USP24: variants seen among roughly 807,000 people sequenced by gnomAD.
USP24 encodes the protein ubiquitin carboxyl-terminal hydrolase 24.
USP24 carries 97 observed loss-of-function variants against 361.6 expected under a neutral mutation model. That is an observed-to-expected ratio of 0.27 (90% CI 0.23 to 0.32). USP24 has a LOEUF of 0.32. Among genes scored for constraint, USP24 ranks in the 10% least tolerant of loss-of-function variants. The pLI is 1.00. For missense variants in USP24, 2,353 were observed against 3,165.6 expected (o/e 0.74, Z 6.16); for synonymous variants, 1,098 against 1,124.6 (o/e 0.98, Z 0.47).
chr1:55,110,312 G>T, intron 38 of USP24, 66 bp from the exon 39 acceptor site: 2 of 1,327,738 alleles, frequency 1.5e-6, no homozygotes, highest in Non-Finnish European at 2.0e-6. Flanking sequence ...CATTTTCCTT[G>T]TAAGAACAAA....
Position 55,077,238 on chromosome 1 carries a change from T to G in USP24, c.7377A>C (p.Ile2459=). Residue 2459 remains isoleucine, a synonymous_variant, in exon 62 of 68, where the codon ATA becomes ATC. Transcript: ENST00000294383. ...LKNTFQLLHE[I]LVIEDPIQVE... Reference sequence around the variant, plus strand: ...AGTCAGAACAGTTATGACTTACCAATATTTCATGAAGTAGTTGGAACGTAT... The same window carrying G: ...AGTCAGAACAGTTATGACTTACCAAGATTTCATGAAGTAGTTGGAACGTAT... 2 of 1,548,702 alleles carry G rather than the reference T, an allele frequency of 1.3e-6. No individual in the cohort carries two copies. Among genetic ancestry groups the G allele is most frequent in the Non-Finnish European group, 1.8e-6 (2 of 1,140,038 alleles).
chr1:55,157,691 G>A (rs892723404), intron 10 of USP24, among the ~76,000 whole-genome samples: 4 of 151,930 alleles, frequency 2.6e-5, no homozygotes, highest in Non-Finnish European at 4.4e-5. Flanking sequence ...AAGATTAGCT[G>A]GGCGTAGTCG....
At chr1:55,155,881 C>T (rs1232391319) in intron 12 of USP24, among the ~76,000 whole-genome samples, 3 of 152,154 alleles carry the variant, frequency 2.0e-5, no homozygotes, top group Non-Finnish European at 4.4e-5. Context: ...AGTAAAAGCA[C>T]CTCCAAGAGC....
chr1:55,133,356 T>A (rs1160916285), intron 30 of USP24, among the ~76,000 whole-genome samples: 1 of 152,198 alleles, frequency 6.6e-6, no homozygotes, highest in African/African-American at 2.4e-5. Flanking sequence ...AATCCATTTA[T>A]ATTAGCAACT....
rs1468231547 is a variant in USP24 at position 55,086,380 on chromosome 1, A to C, written c.6669-342T>G. 19 of 282,254 alleles carry C rather than the reference A, an allele frequency of 6.7e-5. No individual in the cohort carries two copies. The South Asian group carries it at 9.6e-4, about 14-fold the overall frequency. 17.5% of individuals were successfully genotyped at this position (282,254 alleles called of 1,614,324 possible). On this transcript the variant is annotated intron_variant, in intron 55 of 67. Coordinates refer to ENST00000294383, the MANE Select transcript of USP24 (RefSeq NM_015306.3). ...CTTGAAGGGAATACCTAGAGGATGC[A>C]AACAGATCCAGAATATGGGGAGCTC... is the stretch of plus-strand genomic sequence containing the variant.
intron 38 of USP24, among the ~76,000 whole-genome samples, chr1:55,118,840 C>T (rs924518484): frequency 2.0e-5 from 3 of 152,190 alleles, no homozygotes; most frequent in Non-Finnish European, 4.4e-5. Flanking sequence ...CAAACTGAAA[C>T]CACAGATGCC....
Position 55,125,346 on chromosome 1 carries a change from T to C in USP24, c.3934A>G (p.Ile1312Val), listed in dbSNP as rs751517054. Residue 1312 changes from isoleucine (I) to valine (V), a missense_variant, in exon 34 of 68, where the codon ATC becomes GTC. Ile to Val is a conservative substitution (Grantham distance 29, BLOSUM62 3). Around this residue, in one of 8 missense-constraint regions of USP24, gnomAD observed 949 missense variants for 1,280.5 expected, o/e 0.74. Transcript: ENST00000294383. ...TGTATTGCAACTCGAGCAGCAGGGA[T>C]GATTTCCTCAACCCTAATAGAAGAC... is the stretch of plus-strand genomic sequence containing the variant. The part of the protein sequence containing the change: ...DRSSIRVEEI[I>V]PAARVAIQTM... 1.9e-6 allele frequency: 3 copies of C among 1,613,946 alleles called. No homozygotes were observed. In the South Asian group the frequency reaches 3.3e-5, roughly 18 times the overall value.
Position 55,097,693 on chromosome 1 carries a change from T to A in USP24, c.5620A>T (p.Ile1874Phe). 6.4e-7 allele frequency: 1 copy of A among 1,572,422 alleles called. No homozygotes were observed. The highest frequency in any genetic ancestry group is 8.6e-7 in the Non-Finnish European group (1 of 1,159,888). ...EKRITVKRTC[I>F]KSLPSVLVIH... ...ACCAAGACGCTAGGTAAAGATTTAA[T>A]ACAGGTCCTTTTCACTGTTATTCTC... The change falls in exon 48 of 68, where the codon ATT becomes TTT. Residue 1874 changes from isoleucine (I) to phenylalanine (F), a missense_variant. Physicochemically the swap from Ile to Phe is conservative, Grantham distance 21. Transcript: ENST00000294383.
intron 31 of USP24, among the ~76,000 whole-genome samples, chr1:55,130,247 T>C (rs1646553072): frequency 6.6e-6 from 1 of 152,200 alleles, no homozygotes; most frequent in South Asian, 2.1e-4. Context: ...CTAGTTCACA[T>C]TCTAGTTTTA....
At chr1:55,199,995 G>A (rs1217562886) in intron 1 of USP24, among the ~76,000 whole-genome samples, 1 of 152,180 alleles carries the variant, frequency 6.6e-6, no homozygotes. Flanking sequence ...GGAAACTCCT[G>A]ATAAAACCAT....
intron 38 of USP24, among the ~76,000 whole-genome samples, chr1:55,117,875 C>A (rs1430844640): frequency 6.6e-6 from 1 of 150,736 alleles, no homozygotes; most frequent in Non-Finnish European, 1.5e-5. Context: ...AAAAAGAAAT[C>A]AACAATTCCA....
At position 55,097,935 on chromosome 1, in the gene USP24, CA is replaced by C. The variant is rs1645535957; in HGVS notation, c.5595+7del. The stretch of plus-strand genomic sequence containing the variant: ...AATCTTGTTTTTTAAAAAGGGCAAA[CA>C]TAATACCTTTTCTTTACACTTTTCA... On this transcript the variant is annotated splice_region_variant and intron_variant, in intron 47 of 67. Transcript: ENST00000294383. 1 of 1,588,792 alleles carries C rather than the reference CA, an allele frequency of 6.3e-7. No homozygotes were observed. Among genetic ancestry groups the C allele is most frequent in the South Asian group, 1.1e-5 (1 of 87,174 alleles).
chr1:55,167,834 T>C (rs1476301377), intron 5 of USP24, among the ~76,000 whole-genome samples: 2 of 152,100 alleles, frequency 1.3e-5, no homozygotes, highest in Non-Finnish European at 2.9e-5. Context: ...TGTTATTTAC[T>C]AAAAAGGAGA....
rs751368923 is a variant in USP24, at chr1:55,124,570, GCCCATGACAATCTCATGAAGCAAGC to G, written c.3994_4018del (p.Ala1332LeufsTer47). The G allele has an allele frequency of 6.2e-7, 1 of 1,613,928 alleles. No homozygotes were observed. Among genetic ancestry groups the G allele is most frequent in the South Asian group, 1.1e-5 (1 of 91,066 alleles). ...AAGATCAAGCCGTCCTGCAGCCGCA[GCCCATGACAATCTCATGAAGCAAGC>G]CACAGTAGAAGTGAAATCACTTACT... On this transcript the variant is annotated frameshift_variant, in exon 35 of 68. Transcript: ENST00000294383. LOFTEE classifies it high-confidence loss of function.
chr1:55,185,387 G>T (rs1247839879), intron 1 of USP24, among the ~76,000 whole-genome samples: 1 of 150,840 alleles, frequency 6.6e-6, no homozygotes, highest in Non-Finnish European at 1.5e-5. Flanking sequence ...GAAGGAAACA[G>T]AAAAGATCAG....
At chr1:55,114,969 T>C (rs966768845) in intron 38 of USP24, among the ~76,000 whole-genome samples, 4 of 152,040 alleles carry the variant, frequency 2.6e-5, no homozygotes, top group Non-Finnish European at 5.9e-5. Flanking sequence ...ACCTATAGAA[T>C]GGGAGAAAAT....
chr1:55,194,793 C>G (rs924819906), intron 1 of USP24, among the ~76,000 whole-genome samples: 1 of 152,098 alleles, frequency 6.6e-6, no homozygotes, highest in Admixed American at 6.5e-5. Context: ...CATTCCTAAC[C>G]CCGGAACTGT....
rs113494169 is a variant in USP24 at position 55,127,226 on chromosome 1, C to T, written c.3636-1468G>A. Among the ~76,000 whole-genome samples the T allele has an allele frequency of 8.3e-3, 1,269 of 152,124 alleles. 18 individuals are homozygous for T. Among genetic ancestry groups the T allele is most frequent in the African/African-American group, 0.028 (1,141 of 41,470 alleles). On this transcript the variant is annotated intron_variant, in intron 32 of 67. Transcript: ENST00000294383. ...ATGCTATCCCTCCCCACTCCCCCAACCCCACAACAGTCCCCAGAGTGTGAT... is the reference window on the plus strand; with the variant it reads ...ATGCTATCCCTCCCCACTCCCCCAATCCCACAACAGTCCCCAGAGTGTGAT...
chr1:55,164,094 G>C (rs1648574882), intron 7 of USP24, among the ~76,000 whole-genome samples: 1 of 151,842 alleles, frequency 6.6e-6, no homozygotes, highest in African/African-American at 2.4e-5. Context: ...TCTGCATCAT[G>C]GTATACCATT....
Sources: allele counts gnomAD v4.1 joint callset (sites outside exome capture counted in the v4.1 genomes callset), GRCh38; gene constraint gnomAD v4.1.1; regional missense constraint gnomAD v4.1.1; transcripts MANE v1.5; gene names NCBI Gene and HGNC (gene_info 2026-07-23, HGNC 2026-07-21).